Variants in MSRB2 observed in about 807,000 individuals in gnomAD.
The protein encoded by MSRB2 is methionine-R-sulfoxide reductase B2, mitochondrial.
MSRB2 carries 17 observed loss-of-function variants against 19.0 expected under a neutral mutation model. The ratio of observed to expected loss-of-function variants is 0.89; its 90% confidence interval spans 0.61 to 1.34. MSRB2 has a LOEUF of 1.34. MSRB2 is among the 40% of genes most tolerant of loss of function. The probability of loss-of-function intolerance (pLI) is 0.00; values close to 1 mark genes in which losing one functional copy is unlikely to be tolerated. For missense variants in MSRB2, 208 were observed against 237.6 expected, an observed-to-expected ratio of 0.88 and a Z score of 0.82; for synonymous variants, 107 against 99.7, an observed-to-expected ratio of 1.07 and a Z score of -0.44.
chr10:23,117,271 T>G (rs1324699993), intron 3 of MSRB2, among the ~76,000 whole-genome samples: 1 of 152,216 alleles, frequency 6.6e-6, no homozygotes, highest in African/African-American at 2.4e-5. Context: ...AAGCCTGGTC[T>G]GAGGACCCCA....
chr10:23,107,587 T>G (rs1441898690), intron 2 of MSRB2, among the ~76,000 whole-genome samples: 1 of 152,192 alleles, frequency 6.6e-6, no homozygotes, highest in Non-Finnish European at 1.5e-5. Flanking sequence ...AGTCAGCCTT[T>G]GTGGAAACTC....
intron 3 of MSRB2, among the ~76,000 whole-genome samples, chr10:23,114,397 G>C (rs1401807048): frequency 1.3e-5 from 2 of 149,726 alleles, no homozygotes; most frequent in African/African-American, 4.9e-5. Flanking sequence ...CTGTGAAAAT[G>C]TGAGGGAAGT....
chr10:23,120,884 C>A lies in MSRB2; in HGVS notation c.*22C>A. 1 of 1,561,056 alleles carries A rather than the reference C, an allele frequency of 6.4e-7. No individual in the cohort carries two copies. The highest frequency in any genetic ancestry group is 2.2e-5 in the East Asian group (1 of 44,632). On this transcript the variant is annotated 3_prime_UTR_variant, in exon 5 of 5. Coordinates refer to ENST00000376510, the MANE Select transcript of MSRB2 (RefSeq NM_012228.4). ...CTGACCATCTTCAAGAGTCCCGTTC[C>A]CTTGCCACCCCTTCACGTGCACCCT... is the stretch of plus-strand genomic sequence containing the variant.
rs553940250 is a variant in MSRB2 at position 23,121,823 on chromosome 10, A to C, written c.*961A>C. On this transcript the variant is annotated 3_prime_UTR_variant, in exon 5 of 5. Coordinates refer to ENST00000376510, the MANE Select transcript of MSRB2 (RefSeq NM_012228.4). The stretch of plus-strand genomic sequence containing the variant: ...TGCTCTGGGAGCATATATGGTGATC[A>C]ATCAGATGCATGACTTTTTTTTCAA... 1 of 152,226 alleles carries C rather than the reference A, an allele frequency of 6.6e-6. No homozygotes were observed. Among genetic ancestry groups the C allele is most frequent in the Non-Finnish European group, 1.5e-5 (1 of 68,038 alleles). 9.4% of individuals were successfully genotyped at this position (152,226 alleles called of 1,614,324 possible). A position where few individuals can be genotyped will look rare whatever the true frequency, so the allele number is the denominator to read the frequency against.
intron 3 of MSRB2, 177 bp from the exon 4 acceptor site, chr10:23,119,127 T>C (rs755820646): frequency 4.0e-6 from 3 of 749,752 alleles, no homozygotes; most frequent in African/African-American, 3.4e-5. Context: ...ATGGCTTCGA[T>C]AGTGAAGGTG....
intron 1 of MSRB2, among the ~76,000 whole-genome samples, chr10:23,097,155 A>G (rs1564426387): frequency 1.3e-5 from 2 of 152,246 alleles, no homozygotes; most frequent in South Asian, 2.1e-4. Context: ...CAGTTAAGAA[A>G]TACTTACGTA....
At chr10:23,101,629 A>G (rs1484310627) in intron 1 of MSRB2, among the ~76,000 whole-genome samples, 5 of 152,160 alleles carry the variant, frequency 3.3e-5, no homozygotes, top group African/African-American at 1.2e-4. Context: ...CTGAGAGTGG[A>G]AAAGGTTTAA....
Position 23,119,459 on chromosome 10 carries a change from T to C in MSRB2, c.444+8T>C. On this transcript the variant is annotated splice_region_variant and intron_variant, in intron 4 of 4. Transcript: ENST00000376510. ...GAGGTTGTCTGCAAGCAGGTGAGGTTTCTCATTTTGTTTTACTTTCCCTGA... is the reference window on the plus strand; with the variant it reads ...GAGGTTGTCTGCAAGCAGGTGAGGTCTCTCATTTTGTTTTACTTTCCCTGA... The C allele has an allele frequency of 6.2e-7, 1 of 1,610,432 alleles. No homozygotes were observed. Among genetic ancestry groups the C allele is most frequent in the South Asian group, 1.1e-5 (1 of 90,770 alleles).
At chr10:23,095,857 C>CG (rs1839856182) in intron 1 of MSRB2, 131 bp downstream of exon 1, 1 of 492,852 alleles carries the variant, frequency 2.0e-6, no homozygotes, top group Non-Finnish European at 3.0e-6. Flanking sequence ...CGGCGCGCCC[C>CG]TCCCCCCCCC....
intron 3 of MSRB2, among the ~76,000 whole-genome samples, chr10:23,113,999 G>A (rs1840082715): frequency 6.6e-6 from 1 of 152,176 alleles, no homozygotes; most frequent in Non-Finnish European, 1.5e-5. Context: ...TTGATTGGTT[G>A]ATTAATAATA....
chr10:23,104,355 G>GTCT, intron 2 of MSRB2, 111 bp downstream of exon 2: 1 of 730,150 alleles, frequency 1.4e-6, no homozygotes, highest in Non-Finnish European at 2.2e-6. Flanking sequence ...CACAGGCCTG[G>GTCT]TCTTCCTCTT....
intron 3 of MSRB2, among the ~76,000 whole-genome samples, chr10:23,111,262 T>C (rs11013291): frequency 0.39 from 59,624 of 152,082 alleles, 12,295 homozygotes; most frequent in Non-Finnish European, 0.47. Context: ...TGGGGGAAAC[T>C]AGAAGGAGGT....
chr10:23,119,753 C>G (rs186351151), intron 4 of MSRB2, among the ~76,000 whole-genome samples: 226 of 152,230 alleles, frequency 1.5e-3, no homozygotes, highest in African/African-American at 5.2e-3. Flanking sequence ...TGCCACCACA[C>G]CCAGTGAATT....
intron 2 of MSRB2, among the ~76,000 whole-genome samples, chr10:23,110,041 G>A (rs918619359): frequency 6.6e-6 from 1 of 152,210 alleles, no homozygotes; most frequent in Non-Finnish European, 1.5e-5. Context: ...AATATTGGGT[G>A]CAATAAAGCC....
In MSRB2 at chr10:23,121,059, A is replaced by G; in HGVS notation, c.*197A>G. On this transcript the variant is annotated 3_prime_UTR_variant, in exon 5 of 5. Coordinates refer to ENST00000376510, the MANE Select transcript of MSRB2 (RefSeq NM_012228.4). ...TGTTAGGCTGTTCTTGTGTTGCTAT[A>G]AAGAAGTACCTGATCAGGATCTGGG... 4.2e-6 allele frequency: 2 copies of G among 481,660 alleles called. No individual in the cohort carries two copies. Among genetic ancestry groups the G allele is most frequent in the East Asian group, 6.3e-5 (2 of 31,598 alleles). 29.8% of individuals were successfully genotyped at this position (481,660 alleles called of 1,614,324 possible).
Position 23,096,352 on chromosome 10 carries a change from C to CTCTGTGTGTGTGTGTGTGTGTGTGTG in MSRB2, c.118+627_118+628insCTGTGTGTGTGTGTGTGTGTGTGTGT, listed in dbSNP as rs144653384. Among the ~76,000 whole-genome samples, 226 of 142,826 alleles carry CTCTGTGTGTGTGTGTGTGTGTGTGTG rather than the reference C, an allele frequency of 1.6e-3. 1 individual carries two copies. Among genetic ancestry groups the CTCTGTGTGTGTGTGTGTGTGTGTGTG allele is most frequent in the African/African-American group, 5.7e-3 (210 of 36,570 alleles). 93.7% of individuals were successfully genotyped at this position (142,826 alleles called of 152,430 possible). On this transcript the variant is annotated intron_variant, in intron 1 of 4. Transcript: ENST00000376510. ...TGTGTGTGTGTGTCTCTCTCTCTCTCTGTGTGTGTGTGTGTGTGTGTTTCT... is the reference window on the plus strand; with the variant it reads ...TGTGTGTGTGTGTCTCTCTCTCTCTCTCTGTGTGTGTGTGTGTGTGTGTGTGTGTGTGTGTGTGTGTGTGTGTTTCT...
chr10:23,096,271 T>G (rs1309083826), intron 1 of MSRB2, among the ~76,000 whole-genome samples: 7 of 151,972 alleles, frequency 4.6e-5, no homozygotes, highest in Non-Finnish European at 2.9e-5. Flanking sequence ...GATCATTTGT[T>G]CCTTCTTTAA....
At position 23,120,867 on chromosome 10, in the gene MSRB2, C is replaced by CT; in HGVS notation, c.*7dup. The CT allele has an allele frequency of 6.2e-7, 1 of 1,609,730 alleles. No homozygotes were observed. Among genetic ancestry groups the CT allele is most frequent in the South Asian group, 1.1e-5 (1 of 90,692 alleles). ...TTCAAACCAAGGAAACACTGACCAT[C>CT]TTCAAGAGTCCCGTTCCCTTGCCAC... On this transcript the variant is annotated 3_prime_UTR_variant, in exon 5 of 5. Transcript: ENST00000376510.
At chr10:23,100,913 C>T (rs1229388108) in intron 1 of MSRB2, among the ~76,000 whole-genome samples, 1 of 152,104 alleles carries the variant, frequency 6.6e-6, no homozygotes, top group African/African-American at 2.4e-5. Context: ...TTTGATTTTG[C>T]AAAAGTGAAA....
Sources: gnomAD v4.1 joint callset for allele counts (sites outside exome capture counted in the v4.1 genomes callset) on GRCh38, gnomAD v4.1.1 for gene constraint, MANE v1.5 for transcripts, NCBI Gene and HGNC (gene_info 2026-07-23, HGNC 2026-07-21) for gene names.